Variants in RIMS1 observed in about 807,000 individuals in gnomAD.
RIMS1 encodes regulating synaptic membrane exocytosis 1, also known as regulating synaptic membrane exocytosis protein 1.
In RIMS1, 83 loss-of-function variants were observed where a neutral mutation model predicts 214.1. That is an observed-to-expected ratio of 0.39 (90% CI 0.32 to 0.47). The LOEUF is 0.47. Among genes scored for constraint, RIMS1 ranks in the 20% least tolerant of loss-of-function variants. The pLI is 0.99. For synonymous variants in RIMS1, 793 were observed against 786.8 expected (o/e 1.01, Z -0.13); for missense variants, 2,050 against 2,161.8 (o/e 0.95, Z 1.03).
intron 28 of RIMS1, among the ~76,000 whole-genome samples, chr6:72,321,019 A>G (rs950699607): frequency 6.6e-6 from 1 of 152,088 alleles, no homozygotes; most frequent in African/African-American, 2.4e-5. Context: ...AAGCATAGAC[A>G]TGATAACCAA....
chr6:72,313,467 T>C, intron 27 of RIMS1, 39 bp from the exon 28 acceptor site: 2 of 1,588,248 alleles, frequency 1.3e-6, no homozygotes, highest in Non-Finnish European at 1.7e-6. Context: ...TTCCATTGTC[T>C]AATGATGGAG....
chr6:72,109,889 G>C (rs1384277127), intron 4 of RIMS1, among the ~76,000 whole-genome samples: 1 of 152,064 alleles, frequency 6.6e-6, no homozygotes, highest in African/African-American at 2.4e-5. Flanking sequence ...TAAGGTGTAA[G>C]GAAGGGATCC....
chr6:72,112,616 T>C (rs2036322872), intron 4 of RIMS1, among the ~76,000 whole-genome samples: 3 of 152,054 alleles, frequency 2.0e-5, no homozygotes, highest in Admixed American at 1.3e-4. Flanking sequence ...ATAACTCTCT[T>C]TTCCTGGAAC....
At chr6:72,118,935 A>C (rs1343669590) in intron 4 of RIMS1, among the ~76,000 whole-genome samples, 6 of 151,742 alleles carry the variant, frequency 4.0e-5, no homozygotes, top group Non-Finnish European at 7.4e-5. Context: ...ACCCACTTTC[A>C]CCACTTCCAT....
intron 1 of RIMS1, among the ~76,000 whole-genome samples, chr6:71,964,336 G>A (rs1346557980): frequency 6.6e-6 from 1 of 152,104 alleles, no homozygotes; most frequent in Non-Finnish European, 1.5e-5. Flanking sequence ...GGAACTATTG[G>A]GTAGAGGTGG....
At chr6:72,273,454 A>G (rs1161471993) in intron 22 of RIMS1, among the ~76,000 whole-genome samples, 1 of 152,198 alleles carries the variant, frequency 6.6e-6, no homozygotes, top group East Asian at 1.9e-4. Flanking sequence ...TGACCCATTC[A>G]GTGTCTTATT....
In RIMS1 at chr6:72,401,855, T is replaced by C. The variant is rs1596472390; in HGVS notation, c.*1141T>C. 6.5e-6 allele frequency: 1 copy of C among 152,786 alleles called. No homozygotes were observed. Among genetic ancestry groups the C allele is most frequent in the East Asian group, 1.9e-4 (1 of 5,194 alleles). The allele number at this position is 152,786 out of a possible 1,614,324, so 9.5% of individuals were successfully genotyped here. On this transcript the variant is annotated 3_prime_UTR_variant, in exon 34 of 34. Coordinates refer to ENST00000521978, the MANE Select transcript of RIMS1 (RefSeq NM_014989.7). Reference sequence around the variant, plus strand: ...GAAATATTCTGCACTAAACTATTGTTTTTATTGAATTTTAGTTTACATTTC... The same window carrying C: ...GAAATATTCTGCACTAAACTATTGTCTTTATTGAATTTTAGTTTACATTTC...
intron 4 of RIMS1, among the ~76,000 whole-genome samples, chr6:72,159,066 C>T (rs1207150199): frequency 1.4e-5 from 2 of 140,676 alleles, no homozygotes; most frequent in African/African-American, 4.9e-5. Context: ...CCTGTTGTTT[C>T]CTGACTTTCT....
At chr6:72,131,386 G>T (rs1321197776) in intron 4 of RIMS1, among the ~76,000 whole-genome samples, 3 of 152,132 alleles carry the variant, frequency 2.0e-5, no homozygotes, top group South Asian at 4.1e-4. Context: ...CTAAGTGTCG[G>T]CAGGTTTGAG....
chr6:71,898,386 T>A (rs908614908), intron 1 of RIMS1, among the ~76,000 whole-genome samples: 1 of 152,188 alleles, frequency 6.6e-6, no homozygotes, highest in Non-Finnish European at 1.5e-5. Context: ...TTAAAATCCT[T>A]GAAGGAAGGT....
intron 21 of RIMS1, 41 bp from the exon 22 acceptor site, chr6:72,265,915 CTCTG>C (rs1483682934): frequency 1.5e-6 from 2 of 1,353,024 alleles, no homozygotes; most frequent in African/African-American, 1.5e-5. Context: ...TCTTTGTTTT[CTCTG>C]TCTTTCTCTT....
chr6:72,239,742 G>T (rs541623159), intron 9 of RIMS1, among the ~76,000 whole-genome samples: 1 of 151,968 alleles, frequency 6.6e-6, no homozygotes, highest in African/African-American at 2.4e-5. Context: ...AAGATCCTTC[G>T]GTGTTTCCTA....
intron 1 of RIMS1, 67 bp downstream of exon 1, chr6:71,887,254 C>T (rs1276748092): frequency 6.5e-7 from 1 of 1,542,994 alleles, no homozygotes; most frequent in Non-Finnish European, 8.8e-7. Flanking sequence ...CACTCACTCC[C>T]CTAGTCCTCG....
At chr6:72,014,623 A>G (rs908540894) in intron 2 of RIMS1, among the ~76,000 whole-genome samples, 1 of 152,204 alleles carries the variant, frequency 6.6e-6, no homozygotes, top group African/African-American at 2.4e-5. Flanking sequence ...TTTGATGTAT[A>G]AATAGTCATG....
At position 72,182,574 on chromosome 6, in the gene RIMS1, C is replaced by T. The variant is rs2048531827; in HGVS notation, c.1103C>T (p.Pro368Leu). 4 of 1,549,646 alleles carry T rather than the reference C, an allele frequency of 2.6e-6. No homozygotes were observed. The South Asian group carries it at 3.6e-5, about 14-fold the overall frequency. Residue 368 changes from proline (P) to leucine (L), a missense_variant, in exon 6 of 34, where the codon CCG (proline) becomes CTG (leucine). Coordinates refer to ENST00000521978, the MANE Select transcript of RIMS1 (RefSeq NM_014989.7). ...AACCTAGCTCGGTACCCGGTGAAAC[C>T]GCCGCCTGAGGAGCAGCAGATGCGC... ...DPNLARYPVKPPPEEQQMRMH... is the reference protein window; with the variant it reads ...DPNLARYPVKLPPEEQQMRMH...
chr6:72,331,945 A>G (rs1030889162), intron 28 of RIMS1, among the ~76,000 whole-genome samples: 11 of 151,792 alleles, frequency 7.2e-5, no homozygotes, highest in African/African-American at 2.2e-4. Context: ...TCAATTCACA[A>G]TCCATGAAGG....
At chr6:72,282,375 T>C (rs2090538418) in intron 23 of RIMS1, among the ~76,000 whole-genome samples, 1 of 152,028 alleles carries the variant, frequency 6.6e-6, no homozygotes, top group Admixed American at 6.6e-5. Context: ...ATGAAATCAA[T>C]CATGGAATCT....
intron 2 of RIMS1, among the ~76,000 whole-genome samples, chr6:72,078,032 G>A (rs1023780359): frequency 6.6e-6 from 1 of 152,066 alleles, no homozygotes; most frequent in Non-Finnish European, 1.5e-5. Flanking sequence ...TACTATGATG[G>A]TATTTAAAGC....
intron 26 of RIMS1, among the ~76,000 whole-genome samples, chr6:72,301,426 A>G (rs1467168545): frequency 6.6e-6 from 1 of 151,740 alleles, no homozygotes; most frequent in Non-Finnish European, 1.5e-5. Flanking sequence ...ACATGAAAAT[A>G]AAACATTGCA....
Sources: allele counts gnomAD v4.1 joint callset (sites outside exome capture counted in the v4.1 genomes callset), GRCh38; gene constraint gnomAD v4.1.1; transcripts MANE v1.5; gene names NCBI Gene and HGNC (gene_info 2026-07-23, HGNC 2026-07-21).